The following RSPH10B variants were observed in gnomAD, a reference collection of about 807,000 sequenced individuals.
The protein encoded by RSPH10B is radial spoke head 10 homolog B (Chlamydomonas).
RSPH10B carries 7 observed loss-of-function variants against 52.5 expected under a neutral mutation model. The observed-to-expected ratio is 0.13, with a 90% CI of 0.08 to 0.25. The LOEUF is 0.25. Ranked by LOEUF, RSPH10B falls within the 10% of genes least tolerant of loss-of-function variation. RSPH10B has a pLI of 1.00. For missense variants in RSPH10B, 89 were observed against 542.5 expected, an observed-to-expected ratio of 0.16 and a Z score of 8.30; for synonymous variants, 28 against 193.2, an observed-to-expected ratio of 0.14 and a Z score of 7.09.
chr7:5,931,604 C>G (rs1413382049), intron 17 of RSPH10B, among the ~76,000 whole-genome samples: 1 of 151,210 alleles, frequency 6.6e-6, no homozygotes, highest in Non-Finnish European at 1.5e-5. Context: ...TACCTGTAAC[C>G]TCAGCACTTT....
At chr7:5,927,201 T>C (rs1583203433) in intron 18 of RSPH10B, among the ~76,000 whole-genome samples, 1 of 134,246 alleles carries the variant, frequency 7.4e-6, no homozygotes, top group African/African-American at 2.8e-5. Context: ...GCAATCCTCC[T>C]GCCTCAGTCT....
exon 13 of RSPH10B, chr7:5,943,364 T>C: frequency 6.3e-7 from 1 of 1,597,832 alleles, no homozygotes; most frequent in Non-Finnish European, 8.5e-7. Flanking sequence ...CATCGTAGGC[T>C]CGTGGGGAGG....
chr7:5,938,058 TGCACACACAC>T (rs1289349848), intron 14 of RSPH10B, among the ~76,000 whole-genome samples, 157 bp from the exon 17 acceptor site: 3 of 129,734 alleles, frequency 2.3e-5, no homozygotes, highest in African/African-American at 8.2e-5. Context: ...CACACACACA[TGCACACACAC>T]GCACAGACAC....
intron 7 of RSPH10B, among the ~76,000 whole-genome samples, chr7:5,954,423 G>GCTGTAATC (rs1780679596): frequency 3.7e-5 from 1 of 27,082 alleles, no homozygotes; most frequent in Admixed American, 4.4e-4. Flanking sequence ...ACAGGCCTGA[G>GCTGTAATC]CCACTAAGCC....
intron 18 of RSPH10B, among the ~76,000 whole-genome samples, chr7:5,927,071 TGTGTGTGTG>T (rs1562553314): frequency 1.1e-4 from 3 of 26,584 alleles, no homozygotes; most frequent in African/African-American, 3.0e-4. Flanking sequence ...TGTGTGTATA[TGTGTGTGTG>T]TGTGTGTGTG....
At chr7:5,963,303 T>TG (rs1780972888) in intron 3 of RSPH10B, 1 of 143,802 alleles carries the variant, frequency 7.0e-6, no homozygotes, top group African/African-American at 2.6e-5. Flanking sequence ...GAACCCAAGG[T>TG]GGGGGCCCAA....
chr7:5,968,518 T>TATTTA, upstream of RSPH10B, among the ~76,000 whole-genome samples: 1 of 87,026 alleles, frequency 1.1e-5, no homozygotes, highest in African/African-American at 3.7e-5. Flanking sequence ...TTTATTTATT[T>TATTTA]ATTTTTGAGA....
At chr7:5,944,547 A>T (rs1373002551) in intron 11 of RSPH10B, among the ~76,000 whole-genome samples, 1 of 149,132 alleles carries the variant, frequency 6.7e-6, no homozygotes, top group Non-Finnish European at 1.5e-5. Flanking sequence ...TATTTGCAGT[A>T]TTGAACTGAC....
In RSPH10B at chr7:5,927,563, G is replaced by A. The variant is rs548956633; in HGVS notation, c.2432+633C>T. Among the ~76,000 whole-genome samples the A allele has an allele frequency of 1.8e-3, 236 of 132,612 alleles. 2 individuals carry two copies. Among genetic ancestry groups the A allele is most frequent in the African/African-American group, 7.2e-3 (228 of 31,498 alleles). The allele number at this position is 132,612 out of a possible 152,430, so 87.0% of individuals were successfully genotyped here. A position where few individuals can be genotyped will look rare whatever the true frequency, so the allele number is the denominator to read the frequency against. ...ACCAGCTCCAGCGAGAAGCTATCGA[G>A]GGCCCCTCCCCTGGCTACCAGTCAT... is the stretch of plus-strand genomic sequence containing the variant. On this transcript the variant is annotated intron_variant, in intron 18 of 18. Transcript: ENST00000337579.
intron 7 of RSPH10B, among the ~76,000 whole-genome samples, chr7:5,953,968 T>C (rs368492498): frequency 0.14 from 2,333 of 16,364 alleles, 66 homozygotes; most frequent in East Asian, 0.36. Flanking sequence ...CTCAGCCTCC[T>C]GAGTAGCTGG....
intron 6 of RSPH10B, among the ~76,000 whole-genome samples, chr7:5,957,008 T>TAAAA (rs546021012): frequency 8.6e-4 from 18 of 21,034 alleles, no homozygotes; most frequent in Non-Finnish European, 1.5e-3. Context: ...ACCTCGTTTC[T>TAAAA]AAAAAAAAAA....
At chr7:5,942,411 TAG>T (rs1780242212) in intron 13 of RSPH10B, among the ~76,000 whole-genome samples, 1 of 130,964 alleles carries the variant, frequency 7.6e-6, no homozygotes, top group Non-Finnish European at 1.7e-5. Context: ...TTATTTTTTG[TAG>T]AGAGGGGGAT....
upstream of RSPH10B, among the ~76,000 whole-genome samples, chr7:5,968,684 A>AT (rs1201520268): frequency 5.8e-5 from 4 of 68,848 alleles, 1 homozygote; most frequent in Non-Finnish European, 1.4e-4. Context: ...TTCTTTTTGT[A>AT]TTTTTAGTAG....
At chr7:5,941,278 G>A (rs1780170028) in intron 13 of RSPH10B, among the ~76,000 whole-genome samples, 1 of 142,958 alleles carries the variant, frequency 7.0e-6, no homozygotes, top group East Asian at 2.0e-4. Context: ...CTCCAGCCTG[G>A]GTGACAGAGT....
chr7:5,942,586 G>A (rs1225862562), intron 13 of RSPH10B, among the ~76,000 whole-genome samples: 1 of 144,444 alleles, frequency 6.9e-6, no homozygotes, highest in African/African-American at 2.6e-5. Context: ...GGCCAGTCAG[G>A]CACAGTGTCT....
At chr7:5,936,925 T>TA (rs1412110409) in intron 15 of RSPH10B, among the ~76,000 whole-genome samples, 8 of 16,360 alleles carry the variant, frequency 4.9e-4, no homozygotes, top group African/African-American at 1.4e-3. Flanking sequence ...CCGTCTCTAC[T>TA]AAAAATATAA....
intron 11 of RSPH10B, among the ~76,000 whole-genome samples, 162 bp from the exon 14 acceptor site, chr7:5,944,152 T>C (rs1346321595): frequency 6.6e-6 from 1 of 151,212 alleles, no homozygotes; most frequent in Non-Finnish European, 1.5e-5. Flanking sequence ...ATCCCAGCAT[T>C]TTGGGAGGCC....
intron 14 of RSPH10B, among the ~76,000 whole-genome samples, 186 bp from the exon 17 acceptor site, chr7:5,938,087 A>G (rs1010292894): frequency 8.0e-6 from 1 of 125,520 alleles, no homozygotes; most frequent in African/African-American, 2.8e-5. Flanking sequence ...ACGCACACAC[A>G]TATATTAGGT....
At chr7:5,933,015 C>CTT (rs71223185) in intron 16 of RSPH10B, 140 bp from the exon 19 acceptor site, 4,576 of 26,862 alleles carry the variant, frequency 0.17, 247 homozygotes, top group East Asian at 0.47. Flanking sequence ...TTTAATTTGA[C>CTT]TTTTTTTTTT....
Sources: gnomAD v4.1 joint callset for allele counts (sites outside exome capture counted in the v4.1 genomes callset) on GRCh38, gnomAD v4.1.1 for gene constraint, MANE v1.5 for transcripts, NCBI Gene and HGNC (gene_info 2026-07-23, HGNC 2026-07-21) for gene names.